Variants in STAU2 observed in about 807,000 individuals in gnomAD.
STAU2 encodes staufen double-stranded RNA binding protein 2.
STAU2 carries 20 observed loss-of-function variants against 65.9 expected under a neutral mutation model. The ratio of observed to expected loss-of-function variants is 0.30; its 90% CI spans 0.21 to 0.44. The LOEUF (loss-of-function observed/expected upper bound fraction) is 0.44. Among genes scored for constraint, STAU2 ranks in the 20% least tolerant of loss-of-function variants. The pLI, the probability that STAU2 is intolerant of heterozygous loss-of-function variation, is 1.00. For missense variants in STAU2, 558 were observed against 683.9 expected, an observed-to-expected ratio of 0.82 and a Z score of 2.05; for synonymous variants, 232 against 233.9, an observed-to-expected ratio of 0.99 and a Z score of 0.07.
chr8:73,653,949 A>G (rs1352967196), intron 6 of STAU2: 1 of 400,738 alleles, frequency 2.5e-6, no homozygotes, highest in East Asian at 1.0e-4. Flanking sequence ...AGCTTTTCAA[A>G]CTTTGTAAAA....
At chr8:73,559,761 A>T (rs1429185727) in intron 12 of STAU2, among the ~76,000 whole-genome samples, 1 of 152,172 alleles carries the variant, frequency 6.6e-6, no homozygotes, top group Admixed American at 6.5e-5. Flanking sequence ...TCGAACAGGT[A>T]GTATTTGTAA....
upstream of STAU2, chr8:73,747,220 C>A (rs1330166645): frequency 2.6e-6 from 2 of 759,674 alleles, no homozygotes; most frequent in Non-Finnish European, 4.0e-6. Flanking sequence ...GGAGCGCGCC[C>A]GGTCCGCAGT....
chr8:73,455,919 G>A lies in STAU2; in HGVS notation c.1531-33217C>T, dbSNP rs77502073. ...GTACATATGAGATGGATGGACGGACGGATGGATGAGAAGCTGAGGTTTAAT... is the reference window on the plus strand; with the variant it reads ...GTACATATGAGATGGATGGACGGACAGATGGATGAGAAGCTGAGGTTTAAT... On this transcript the variant is annotated intron_variant, in intron 13 of 14. Transcript: ENST00000524300. Among the ~76,000 whole-genome samples the A allele has an allele frequency of 4.2e-3, 643 of 152,256 alleles. 5 individuals carry two copies. The highest frequency in any genetic ancestry group is 0.015 in the African/African-American group (619 of 41,550).
chr8:73,652,082 T>C (rs58865983), intron 6 of STAU2, among the ~76,000 whole-genome samples: 31,029 of 152,106 alleles, frequency 0.2, 3,534 homozygotes, highest in East Asian at 0.37. Context: ...AATTTGTTTT[T>C]TAAAAAGTGT....
rs540663407 is a variant in STAU2, at chr8:73,424,085, A to G, written c.1531-1383T>C. ...CACCCCCACCAGCCCCCTGGCAACC[A>G]CCAATCTTTTTACCATCGCTACAGT... On this transcript the variant is annotated intron_variant, in intron 13 of 14. Transcript: ENST00000524300. 5.4e-4 allele frequency among the ~76,000 whole-genome samples: 47 copies of G among 87,250 alleles called. 1 individual carries two copies. Among genetic ancestry groups the G allele is most frequent in the African/African-American group, 2.2e-3 (47 of 21,502 alleles). The allele number at this position is 87,250 out of a possible 152,430, so 57.2% of individuals were successfully genotyped here.
chr8:73,677,111 C>G (rs1818079001), intron 5 of STAU2, among the ~76,000 whole-genome samples: 1 of 152,144 alleles, frequency 6.6e-6, no homozygotes, highest in East Asian at 1.9e-4. Flanking sequence ...CTAATGCCAA[C>G]AGGCATATGG....
In STAU2 at chr8:73,529,500, T is replaced by C. The variant is rs1805669772; in HGVS notation, c.1530+22512A>G. On this transcript the variant is annotated intron_variant, in intron 13 of 14. Coordinates refer to ENST00000524300, the MANE Select transcript of STAU2 (RefSeq NM_001164380.2). ...AATATACAGTGACAGTAAACACACT[T>C]CTATGTCAGCTGACTTAATGTAGCT... 2.0e-5 allele frequency among the ~76,000 whole-genome samples: 3 copies of C among 152,164 alleles called. 1 individual carries two copies.
intron 6 of STAU2, among the ~76,000 whole-genome samples, chr8:73,618,873 G>C (rs1813028155): frequency 6.6e-6 from 1 of 152,214 alleles, no homozygotes; most frequent in African/African-American, 2.4e-5. Context: ...AGGGGAGTCA[G>C]GGATGACATC....
At chr8:73,688,536 A>C in intron 5 of STAU2, 118 bp downstream of exon 5, 29 of 729,002 alleles carry the variant, frequency 4.0e-5, no homozygotes, top group East Asian at 9.1e-5. Context: ...GTGTGTAGGT[A>C]TGGGCATATG....
intron 6 of STAU2, among the ~76,000 whole-genome samples, chr8:73,644,732 T>A (rs906826928): frequency 6.6e-5 from 10 of 151,910 alleles, no homozygotes; most frequent in Non-Finnish European, 1.2e-4. Flanking sequence ...AAGACACAAA[T>A]CATCAATATC....
intron 13 of STAU2, among the ~76,000 whole-genome samples, chr8:73,424,627 G>GTTTC (rs928377321): frequency 3.9e-5 from 6 of 151,988 alleles, no homozygotes; most frequent in Admixed American, 3.3e-4. Context: ...CATCTTGATT[G>GTTTC]TTTCCAGTTT....
chr8:73,632,041 GGA>G (rs1324525150), intron 6 of STAU2, among the ~76,000 whole-genome samples: 1 of 151,922 alleles, frequency 6.6e-6, no homozygotes, highest in African/African-American at 2.4e-5. Context: ...AGGGAGGAAA[GGA>G]GAGAGAGACA....
At chr8:73,528,499 A>G (rs1046809826) in intron 13 of STAU2, among the ~76,000 whole-genome samples, 1 of 152,166 alleles carries the variant, frequency 6.6e-6, no homozygotes, top group Non-Finnish European at 1.5e-5. Flanking sequence ...CATTAAGAAA[A>G]TTTCCATCCT....
chr8:73,479,356 T>C (rs1313724061), intron 13 of STAU2, among the ~76,000 whole-genome samples: 1 of 152,030 alleles, frequency 6.6e-6, no homozygotes, highest in Non-Finnish European at 1.5e-5. Flanking sequence ...CTCAGAAAGT[T>C]AAACTGAGGA....
chr8:73,733,281 C>A (rs1806197685), intron 3 of STAU2, among the ~76,000 whole-genome samples: 2 of 152,184 alleles, frequency 1.3e-5, no homozygotes, highest in Admixed American at 6.5e-5. Flanking sequence ...CTACAACCGC[C>A]TAATATAGAC....
At chr8:73,611,235 T>A (rs1180478596) in intron 9 of STAU2, among the ~76,000 whole-genome samples, 1 of 152,178 alleles carries the variant, frequency 6.6e-6, no homozygotes, top group Non-Finnish European at 1.5e-5. Context: ...TTATCTAGAT[T>A]CCAACTCATT....
chr8:73,727,101 G>A (rs934815638), intron 3 of STAU2, among the ~76,000 whole-genome samples: 6 of 152,012 alleles, frequency 3.9e-5, no homozygotes, highest in Admixed American at 3.9e-4. Context: ...GTGGCGGCAG[G>A]TGCCTGTAAT....
intron 12 of STAU2, among the ~76,000 whole-genome samples, chr8:73,560,562 G>C (rs1372272012): frequency 6.6e-6 from 1 of 152,066 alleles, no homozygotes; most frequent in African/African-American, 2.4e-5. Flanking sequence ...TTTGGTGAAT[G>C]TTTATGAATA....
At chr8:73,696,088 G>C (rs890398423) in intron 4 of STAU2, among the ~76,000 whole-genome samples, 1 of 152,150 alleles carries the variant, frequency 6.6e-6, no homozygotes, top group African/African-American at 2.4e-5. Context: ...CACTCCATTT[G>C]TTTGGGAGAA....
Sources: gnomAD v4.1 joint callset for allele counts (sites outside exome capture counted in the v4.1 genomes callset) on GRCh38, gnomAD v4.1.1 for gene constraint, MANE v1.5 for transcripts, NCBI Gene and HGNC (gene_info 2026-07-23, HGNC 2026-07-21) for gene names.